Variants in LGSN observed in about 807,000 individuals in gnomAD.
LGSN encodes the protein lengsin.
In LGSN, 21 loss-of-function variants were observed where a neutral mutation model predicts 19.5. The observed-to-expected ratio is 1.07, with a 90% confidence interval of 0.76 to 1.55. The LOEUF (loss-of-function observed/expected upper bound fraction) is 1.55, where lower values mean the gene tolerates loss of function less well. LGSN is among the 40% of genes most tolerant of loss of function. The probability of loss-of-function intolerance (pLI) is 0.00; values close to 1 mark genes in which losing one functional copy is unlikely to be tolerated. For missense variants in LGSN, 673 were observed against 608.5 expected (o/e 1.11, Z -1.12); for synonymous variants, 257 against 215.6 (o/e 1.19, Z -1.68).
chr6:63,364,208 C>T, the LGSN span, among the ~76,000 whole-genome samples: 9 of 151,726 alleles, frequency 5.9e-5, no homozygotes, highest in East Asian at 7.7e-4. Context: ...GACACACATA[C>T]GCTCAAAATA....
chr6:63,458,204 A>T, the LGSN span, among the ~76,000 whole-genome samples: 1 of 151,984 alleles, frequency 6.6e-6, no homozygotes, highest in African/African-American at 2.4e-5. Flanking sequence ...AGTAGCTGGG[A>T]TTACAGGCAT....
intron 1 of LGSN, among the ~76,000 whole-genome samples, chr6:63,313,728 C>A (rs1413107382): frequency 2.0e-5 from 3 of 151,910 alleles, no homozygotes; most frequent in African/African-American, 4.8e-5. Context: ...CCCAGCTACT[C>A]GGGAGACTGA....
At chr6:63,502,927 G>A in the LGSN span, among the ~76,000 whole-genome samples, 14 of 152,242 alleles carry the variant, frequency 9.2e-5, no homozygotes, top group South Asian at 2.9e-3. Flanking sequence ...TATGCTCTAT[G>A]CTCATCAGTA....
the LGSN span, among the ~76,000 whole-genome samples, chr6:63,433,105 C>A: frequency 6.6e-6 from 1 of 152,092 alleles, no homozygotes; most frequent in Non-Finnish European, 1.5e-5. Context: ...TGGTAAAATC[C>A]AAACACCCCC....
chr6:63,469,435 T>G, the LGSN span, among the ~76,000 whole-genome samples: 1 of 152,094 alleles, frequency 6.6e-6, no homozygotes, highest in Non-Finnish European at 1.5e-5. Flanking sequence ...AAAATTAAAG[T>G]AAAGATCAAA....
chr6:63,375,429 TATG>T, the LGSN span, among the ~76,000 whole-genome samples: 1,649 of 151,564 alleles, frequency 0.011, 33 homozygotes, highest in African/African-American at 0.037. Flanking sequence ...ATATAGCAAT[TATG>T]ATCTTTCTTG....
chr6:63,463,771 T>A, the LGSN span, among the ~76,000 whole-genome samples: 1 of 152,178 alleles, frequency 6.6e-6, no homozygotes, highest in African/African-American at 2.4e-5. Flanking sequence ...ACATATGTGT[T>A]GAAAACCTGA....
the LGSN span, among the ~76,000 whole-genome samples, chr6:63,567,571 T>C: frequency 1.1e-4 from 16 of 152,336 alleles, no homozygotes; most frequent in African/African-American, 7.2e-5. Context: ...CTTCCACTTA[T>C]AGAGCACAGC....
chr6:63,438,360 T>C, the LGSN span, among the ~76,000 whole-genome samples: 208 of 152,308 alleles, frequency 1.4e-3, no homozygotes, highest in Non-Finnish European at 2.5e-3. Flanking sequence ...AAATGGGATC[T>C]AATTAAACTA....
At chr6:63,534,316 T>C in the LGSN span, among the ~76,000 whole-genome samples, 3 of 152,070 alleles carry the variant, frequency 2.0e-5, no homozygotes, top group Middle Eastern at 3.2e-3. Flanking sequence ...CCATGCAATC[T>C]CTCTGGGATC....
chr6:63,473,822 C>T, the LGSN span, among the ~76,000 whole-genome samples: 1 of 147,852 alleles, frequency 6.8e-6, no homozygotes, highest in Non-Finnish European at 1.5e-5. Context: ...GAGCCAGATT[C>T]TCTGTCTAGA....
chr6:63,313,342 G>A (rs1484618199), intron 1 of LGSN, among the ~76,000 whole-genome samples: 1 of 152,038 alleles, frequency 6.6e-6, no homozygotes, highest in East Asian at 1.9e-4. Flanking sequence ...GCTAGATCCA[G>A]TGAGTTGAAA....
At chr6:63,412,562 GAAAGA>G in the LGSN span, among the ~76,000 whole-genome samples, 4 of 124,586 alleles carry the variant, frequency 3.2e-5, no homozygotes, top group African/African-American at 6.9e-5. Context: ...AAGAAAGAAA[GAAAGA>G]AAGGAAGGAA....
At chr6:63,568,720 T>C in the LGSN span, among the ~76,000 whole-genome samples, 11 of 152,116 alleles carry the variant, frequency 7.2e-5, no homozygotes, top group African/African-American at 2.4e-5. Flanking sequence ...TACTACATAT[T>C]TATTTTTAAT....
chr6:63,311,287 C>G (rs1164088597), intron 1 of LGSN, among the ~76,000 whole-genome samples: 2 of 152,160 alleles, frequency 1.3e-5, no homozygotes, highest in African/African-American at 4.8e-5. Flanking sequence ...CTTTGCTGTA[C>G]TTTAAGTTTT....
the LGSN span, among the ~76,000 whole-genome samples, chr6:63,413,052 G>C: frequency 6.6e-6 from 1 of 151,984 alleles, no homozygotes; most frequent in South Asian, 2.1e-4. Flanking sequence ...CAATACATGG[G>C]GTATCATAAT....
At chr6:63,456,371 A>ACTTTTTTTTTTTTTTTTT in the LGSN span, among the ~76,000 whole-genome samples, 1 of 113,620 alleles carries the variant, frequency 8.8e-6, no homozygotes. Context: ...ATATATATAT[A>ACTTTTTTTTTTTTTTTTT]TATATATATA....
chr6:63,351,724 C>CT, the LGSN span, among the ~76,000 whole-genome samples: 7 of 152,098 alleles, frequency 4.6e-5, no homozygotes, highest in East Asian at 1.2e-3. Context: ...TCCCAAAGGG[C>CT]TAAGATTACA....
At chr6:63,536,632 A>G in the LGSN span, among the ~76,000 whole-genome samples, 1 of 152,276 alleles carries the variant, frequency 6.6e-6, no homozygotes, top group South Asian at 2.1e-4. Flanking sequence ...CTACTGTAAC[A>G]TTTGTGTCAG....
Sources: gnomAD v4.1 joint callset for allele counts (sites outside exome capture counted in the v4.1 genomes callset) on GRCh38, gnomAD v4.1.1 for gene constraint, MANE v1.5 for transcripts, NCBI Gene and HGNC (gene_info 2026-07-23, HGNC 2026-07-21) for gene names.